CABLES1: variants seen among roughly 807,000 people sequenced by gnomAD.
The protein encoded by CABLES1 is CDK5 and ABL1 enzyme substrate 1.
CABLES1 carries 36 observed loss-of-function variants against 57.8 expected under a neutral mutation model. That is an observed-to-expected ratio of 0.62 (90% CI 0.48 to 0.82). CABLES1 has a LOEUF of 0.82. Ranked by LOEUF, CABLES1 falls within the 40% of genes least tolerant of loss-of-function variation. The probability of loss-of-function intolerance (pLI) is 0.00; values close to 1 mark genes in which losing one functional copy is unlikely to be tolerated. For synonymous variants in CABLES1, 374 were observed against 363.0 expected (o/e 1.03, Z -0.35); for missense variants, 767 against 836.6 (o/e 0.92, Z 1.03).
At position 23,184,655 on chromosome 18, in the gene CABLES1, A is replaced by G. The variant is rs150434625; in HGVS notation, c.846-4183A>G. The stretch of plus-strand genomic sequence containing the variant: ...GAGGCAGAGGTTGCAGTGAGCCAAG[A>G]TTGTGCCACTGCACTCCATCCTGGG... On this transcript the variant is annotated intron_variant, in intron 1 of 9. Transcript: ENST00000256925. Among the ~76,000 whole-genome samples, 1,489 of 152,284 alleles carry G rather than the reference A, an allele frequency of 9.8e-3. 27 individuals carry two copies. Among genetic ancestry groups the G allele is most frequent in the African/African-American group, 0.035 (1,434 of 41,554 alleles).
intron 1 of CABLES1, among the ~76,000 whole-genome samples, chr18:23,157,299 G>A (rs74388472): frequency 0.012 from 1,806 of 152,256 alleles, 18 homozygotes; most frequent in Non-Finnish European, 0.019. Context: ...AGAACCTGGG[G>A]ATAATGAGGA....
At chr18:23,159,116 C>T (rs2046984863) in intron 1 of CABLES1, among the ~76,000 whole-genome samples, 1 of 152,216 alleles carries the variant, frequency 6.6e-6, no homozygotes. Context: ...CAGGGGCACA[C>T]CACCACGCCC....
intron 1 of CABLES1, chr18:23,156,073 G>A (rs1041397351): frequency 2.1e-5 from 25 of 1,189,890 alleles, no homozygotes; most frequent in Middle Eastern, 2.7e-4. Flanking sequence ...CTGGAAAAGC[G>A]GGATGTCAGT....
chr18:23,243,265 C>T (rs1181003824), intron 7 of CABLES1, among the ~76,000 whole-genome samples: 1 of 151,892 alleles, frequency 6.6e-6, no homozygotes, highest in Non-Finnish European at 1.5e-5. Context: ...GAAAATGTCA[C>T]ATCACATTAG....
intron 1 of CABLES1, among the ~76,000 whole-genome samples, chr18:23,161,926 A>G (rs2047008102): frequency 6.6e-6 from 1 of 151,946 alleles, no homozygotes; most frequent in Non-Finnish European, 1.5e-5. Context: ...CCGTCTCAAA[A>G]AAAAAAAAGC....
At chr18:23,242,895 T>C (rs2047770953) in intron 7 of CABLES1, among the ~76,000 whole-genome samples, 1 of 152,142 alleles carries the variant, frequency 6.6e-6, no homozygotes, top group Admixed American at 6.5e-5. Context: ...AATTTTTCAG[T>C]ACAGCATGAG....
intron 4 of CABLES1, among the ~76,000 whole-genome samples, chr18:23,230,228 CG>C (rs1291524287): frequency 6.6e-6 from 1 of 152,046 alleles, no homozygotes; most frequent in African/African-American, 2.4e-5. Flanking sequence ...AAAAATTAGC[CG>C]GGCATGGCGG....
intron 1 of CABLES1, among the ~76,000 whole-genome samples, chr18:23,180,483 A>G (rs549997151): frequency 6.6e-6 from 1 of 152,262 alleles, no homozygotes. Context: ...CACAAATGAC[A>G]TACACATGAT....
Position 23,253,828 on chromosome 18 carries a change from G to A in CABLES1, c.1653G>A (p.Lys551=). ...TCTACTTTGAAAAGCTCGCCCTCAA[G>A]GGGAAACTCAACAAACAGAACCGGA... ...AFVYFEKLAL[K]GKLNKQNRKL... The change falls in exon 9 of 10, where the codon AAG becomes AAA. Residue 551 remains lysine (K), a synonymous_variant. Transcript: ENST00000256925. 1 of 1,614,228 alleles carries A rather than the reference G, an allele frequency of 6.2e-7. No homozygotes were observed. The highest frequency in any genetic ancestry group is 8.5e-7 in the Non-Finnish European group (1 of 1,180,034).
chr18:23,206,146 C>T (rs2145042615), intron 3 of CABLES1, among the ~76,000 whole-genome samples: 1 of 152,290 alleles, frequency 6.6e-6, no homozygotes, highest in Admixed American at 6.5e-5. Context: ...TGCCTGCCTT[C>T]CTCCCTGCCC....
At chr18:23,146,868 T>C (rs1892586878) in intron 1 of CABLES1, among the ~76,000 whole-genome samples, 1 of 152,128 alleles carries the variant, frequency 6.6e-6, no homozygotes, top group African/African-American at 2.4e-5. Context: ...TAAGAAAGAA[T>C]CAACTAAGTA....
chr18:23,159,881 CTT>C (rs59748694), intron 1 of CABLES1, among the ~76,000 whole-genome samples: 3 of 142,374 alleles, frequency 2.1e-5, no homozygotes, highest in Non-Finnish European at 1.5e-5. Context: ...GATTTTCTTT[CTT>C]TTTTTTTTTT....
intron 4 of CABLES1, among the ~76,000 whole-genome samples, chr18:23,225,365 A>G (rs568592092): frequency 1.8e-4 from 27 of 152,230 alleles, no homozygotes; most frequent in Non-Finnish European, 2.9e-4. Flanking sequence ...TAAAAGGAAG[A>G]TAACAATTAT....
intron 1 of CABLES1, among the ~76,000 whole-genome samples, chr18:23,145,040 A>G (rs529100850): frequency 1.3e-5 from 2 of 151,680 alleles, no homozygotes; most frequent in South Asian, 4.2e-4. Flanking sequence ...GGTTCAAGCA[A>G]TTCTCCTGCC....
chr18:23,143,700 T>C (rs1231630319), intron 1 of CABLES1, among the ~76,000 whole-genome samples: 1 of 152,154 alleles, frequency 6.6e-6, no homozygotes, highest in African/African-American at 2.4e-5. Flanking sequence ...CAGTGCTCTG[T>C]GCCCAGGAAG....
intron 7 of CABLES1, among the ~76,000 whole-genome samples, chr18:23,250,852 G>A (rs1317555070): frequency 6.6e-6 from 1 of 152,246 alleles, no homozygotes; most frequent in Non-Finnish European, 1.5e-5. Flanking sequence ...TGGAATTGTT[G>A]GAGTTAATAT....
intron 1 of CABLES1, among the ~76,000 whole-genome samples, chr18:23,140,396 C>T (rs1032066920): frequency 6.6e-6 from 1 of 151,852 alleles, no homozygotes; most frequent in African/African-American, 2.4e-5. Context: ...GGGAGGGGTG[C>T]ATGGTGACCA....
chr18:23,155,962 CA>C, intron 1 of CABLES1: 2 of 1,614,158 alleles, frequency 1.2e-6, no homozygotes, highest in Non-Finnish European at 8.5e-7. Context: ...TGTAAGTTGT[CA>C]GAGGATCGCC....
chr18:23,255,815 C>T (rs2048150804), intron 9 of CABLES1, among the ~76,000 whole-genome samples: 1 of 152,144 alleles, frequency 6.6e-6, no homozygotes, highest in Non-Finnish European at 1.5e-5. Flanking sequence ...TTCACCTCAA[C>T]CTCCCAAAGT....
Sources: allele counts gnomAD v4.1 joint callset (sites outside exome capture counted in the v4.1 genomes callset), GRCh38; gene constraint gnomAD v4.1.1; transcripts MANE v1.5; gene names NCBI Gene and HGNC (gene_info 2026-07-23, HGNC 2026-07-21).